The following PHF21A variants were observed in gnomAD, a reference collection of about 807,000 sequenced individuals.
PHF21A encodes PHD finger protein 21A.
A neutral mutation model predicts 82.5 loss-of-function variants in PHF21A; 11 were observed. The observed-to-expected ratio is 0.13, with a 90% confidence interval of 0.08 to 0.22. The LOEUF is 0.22. Among genes scored for constraint, PHF21A ranks in the 10% least tolerant of loss-of-function variants. The pLI, the probability that PHF21A is intolerant of heterozygous loss-of-function variation, is 1.00. For synonymous variants in PHF21A, 297 were observed against 302.8 expected, an observed-to-expected ratio of 0.98 and a Z score of 0.20; for missense variants, 579 against 837.8, an observed-to-expected ratio of 0.69 and a Z score of 3.81.
chr11:46,013,265 G>A (rs894775016), intron 6 of PHF21A, among the ~76,000 whole-genome samples: 1 of 152,092 alleles, frequency 6.6e-6, no homozygotes, highest in Admixed American at 6.6e-5. Flanking sequence ...TAATCCATAA[G>A]TTTTAAACTG....
At chr11:46,108,569 A>G (rs184358292) in intron 1 of PHF21A, among the ~76,000 whole-genome samples, 110 of 132,142 alleles carry the variant, frequency 8.3e-4, no homozygotes, top group East Asian at 1.1e-3. Flanking sequence ...GTGTGTGTGT[A>G]TATATATATA....
intron 7 of PHF21A, among the ~76,000 whole-genome samples, chr11:45,974,579 G>C (rs1397921644): frequency 1.3e-5 from 2 of 151,592 alleles, no homozygotes. Flanking sequence ...TCATTCTCCT[G>C]AGTACCTTGG....
At position 46,059,221 on chromosome 11, in the gene PHF21A, A is replaced by C. The variant is rs144659872; in HGVS notation, c.153+17533T>G. On this transcript the variant is annotated intron_variant, in intron 6 of 18. Coordinates refer to ENST00000676320, the MANE Select transcript of PHF21A (RefSeq NM_001352027.3). ...GCAGAGCTAGGCATACAACAGTAAA[A>C]AACTGGGAATAATTTAAACGTCTAA... Among the ~76,000 whole-genome samples, 21 of 152,292 alleles carry C rather than the reference A, an allele frequency of 1.4e-4. No individual in the cohort carries two copies. The East Asian group carries it at 3.5e-3, about 25-fold the overall frequency.
At chr11:46,088,408 T>TAACAACAACAACAACAACAAC (rs3061959) in intron 3 of PHF21A, among the ~76,000 whole-genome samples, 1 of 150,722 alleles carries the variant, frequency 6.6e-6, no homozygotes, top group Non-Finnish European at 1.5e-5. Flanking sequence ...AACTTTCCAA[T>TAACAACAACAACAACAACAAC]AACAACAACA....
At chr11:46,037,684 T>A (rs565413408) in intron 6 of PHF21A, among the ~76,000 whole-genome samples, 2 of 151,836 alleles carry the variant, frequency 1.3e-5, no homozygotes, top group East Asian at 3.9e-4. Flanking sequence ...ATCTGATTCT[T>A]ATCCTTTTGT....
intron 15 of PHF21A, among the ~76,000 whole-genome samples, chr11:45,939,735 C>G (rs2089961547): frequency 1.0e-5 from 1 of 99,244 alleles, no homozygotes; most frequent in African/African-American, 4.1e-5. Flanking sequence ...CAGAATAAAG[C>G]AGATCTACTT....
At chr11:45,993,333 G>A (rs941356527) in intron 6 of PHF21A, among the ~76,000 whole-genome samples, 2 of 152,104 alleles carry the variant, frequency 1.3e-5, no homozygotes, top group African/African-American at 2.4e-5. Flanking sequence ...CTTTACGATT[G>A]TAAATTTTGA....
rs139997788 is a variant in PHF21A at position 45,979,449 on chromosome 11, C to T, written c.360+311G>A. On this transcript the variant is annotated intron_variant, in intron 7 of 18. Coordinates refer to ENST00000676320, the MANE Select transcript of PHF21A (RefSeq NM_001352027.3). The stretch of plus-strand genomic sequence containing the variant: ...CTTTTAGAACAAGTGTAAATAAATA[C>T]CTCCAAAAATTCAAAATAAGGTTTT... Among the ~76,000 whole-genome samples, 1,383 of 152,292 alleles carry T rather than the reference C, an allele frequency of 9.1e-3. 7 individuals carry two copies. Among genetic ancestry groups the T allele is most frequent in the Non-Finnish European group, 0.014 (943 of 68,020 alleles).
At chr11:45,977,490 TAAG>T (rs1488004799) in intron 7 of PHF21A, among the ~76,000 whole-genome samples, 11 of 152,214 alleles carry the variant, frequency 7.2e-5, no homozygotes, top group African/African-American at 2.4e-4. Flanking sequence ...TTCCATGGGT[TAAG>T]ACAGAAAACT....
rs2089089018 is a variant in PHF21A at position 45,936,495 on chromosome 11, T to G, written c.1683A>C (p.Ala561=). 5.6e-6 allele frequency: 9 copies of G among 1,604,638 alleles called. No homozygotes were observed. Among genetic ancestry groups the G allele is most frequent in the Non-Finnish European group, 7.7e-6 (9 of 1,171,950 alleles). ...AIVHSYIAYK[A]AKEEEKQKLL... ...AAGTGGGTATGGATAACTCCTTACC[T>G]GCTTTGTAGGCAATATAGGAATGAA... Residue 561 remains alanine (A), a splice_region_variant and synonymous_variant, in exon 17 of 19, where the codon GCA becomes GCC. Coordinates refer to ENST00000676320, the MANE Select transcript of PHF21A (RefSeq NM_001352027.3).
intron 4 of PHF21A, among the ~76,000 whole-genome samples, chr11:46,080,284 G>A (rs997843631): frequency 2.0e-5 from 3 of 150,928 alleles, no homozygotes; most frequent in African/African-American, 4.9e-5. Context: ...TCAGCCTCCC[G>A]AGTGGCTAGG....
chr11:45,936,358 G>T, intron 17 of PHF21A, 136 bp downstream of exon 17: 1 of 569,228 alleles, frequency 1.8e-6, no homozygotes, highest in Non-Finnish European at 3.1e-6. Flanking sequence ...CATTTGCTTT[G>T]TTTCCTCCAA....
At chr11:46,075,263 G>T (rs1455384177) in intron 6 of PHF21A, among the ~76,000 whole-genome samples, 1 of 152,146 alleles carries the variant, frequency 6.6e-6, no homozygotes, top group Non-Finnish European at 1.5e-5. Context: ...TCCAAAAATT[G>T]TCCCACTTTC....
chr11:46,053,445 T>C (rs991423955), intron 6 of PHF21A, among the ~76,000 whole-genome samples: 18 of 152,232 alleles, frequency 1.2e-4, no homozygotes, highest in African/African-American at 3.9e-4. Flanking sequence ...TGGGCCTAAA[T>C]ATTAAGTATA....
chr11:46,054,252 A>G (rs567440345), intron 6 of PHF21A, among the ~76,000 whole-genome samples: 1 of 152,316 alleles, frequency 6.6e-6, no homozygotes, highest in East Asian at 1.9e-4. Context: ...GAGTATTAAT[A>G]TGATAGTAAC....
rs187867466 is a variant in PHF21A, at chr11:45,972,142, A to C, written c.361-775T>G. Among the ~76,000 whole-genome samples the C allele has an allele frequency of 3.3e-3, 498 of 151,928 alleles. 4 individuals are homozygous for C. Among genetic ancestry groups the C allele is most frequent in the Non-Finnish European group, 5.0e-3 (343 of 67,954 alleles). On this transcript the variant is annotated intron_variant, in intron 7 of 18. Coordinates refer to ENST00000676320, the MANE Select transcript of PHF21A (RefSeq NM_001352027.3). ...ATCAAAGATGCAATGAAACATGACA[A>C]GGTGAAAACAAACATCTGAGTTTTA...
chr11:45,996,141 A>G (rs1393041222), intron 6 of PHF21A, among the ~76,000 whole-genome samples: 1 of 152,038 alleles, frequency 6.6e-6, no homozygotes, highest in Non-Finnish European at 1.5e-5. Context: ...ATGAGGTCTC[A>G]CTGAATTGCC....
chr11:46,049,335 TGAAA>T (rs2096308772), intron 6 of PHF21A: 1 of 419,558 alleles, frequency 2.4e-6, no homozygotes, highest in Admixed American at 2.8e-5. Context: ...ATAAAAGTTA[TGAAA>T]TTTCTTATGC....
chr11:45,976,708 G>T (rs535033106), intron 7 of PHF21A, among the ~76,000 whole-genome samples: 1 of 152,268 alleles, frequency 6.6e-6, no homozygotes, highest in East Asian at 1.9e-4. Context: ...TGGGCATGGT[G>T]GCCTGTGCCT....
Sources: allele counts gnomAD v4.1 joint callset (sites outside exome capture counted in the v4.1 genomes callset), GRCh38; gene constraint gnomAD v4.1.1; transcripts MANE v1.5; gene names NCBI Gene and HGNC (gene_info 2026-07-23, HGNC 2026-07-21).